The following CLIP4 variants were observed in gnomAD, a reference collection of about 807,000 sequenced individuals.
CLIP4 encodes the protein CAP-Gly domain-containing linker protein 4.
CLIP4 carries 47 observed loss-of-function variants against 73.1 expected under a neutral mutation model. That is an observed-to-expected ratio of 0.64 (90% CI 0.51 to 0.82). CLIP4 has a LOEUF of 0.82. CLIP4 is among the 40% of genes least tolerant of loss of function. The pLI is 0.00. For synonymous variants in CLIP4, 306 were observed against 295.4 expected, an observed-to-expected ratio of 1.04 and a Z score of -0.37; for missense variants, 874 against 852.9, an observed-to-expected ratio of 1.02 and a Z score of -0.31.
intron 2 of CLIP4, among the ~76,000 whole-genome samples, chr2:29,129,029 C>A (rs1261594296): frequency 6.6e-6 from 1 of 152,140 alleles, no homozygotes; most frequent in Non-Finnish European, 1.5e-5. Flanking sequence ...TGTGGACTTA[C>A]ATTGATTTAA....
chr2:29,113,492 C>G (rs1036485956), upstream of CLIP4, among the ~76,000 whole-genome samples: 1 of 152,184 alleles, frequency 6.6e-6, no homozygotes, highest in Non-Finnish European at 1.5e-5. This position sits in a 1 kb window ranked among gnomAD's most constrained non-coding sequence, Gnocchi z 4.0. Context: ...ATGACTCCAA[C>G]GAGCACTTGC....
chr2:29,170,790 G>A lies in CLIP4; in HGVS notation c.1723+3250G>A, dbSNP rs377582897. Among the ~76,000 whole-genome samples, 16 of 151,874 alleles carry A rather than the reference G, an allele frequency of 1.1e-4. No individual in the cohort carries two copies. In the East Asian group the frequency reaches 1.5e-3, roughly 15 times the overall value. Reference sequence around the variant, plus strand: ...ATTTTTGGGTAAGATGTGAGGGTCTGTGTCTAGATTTTTTTTTTTCACATG... The same window carrying A: ...ATTTTTGGGTAAGATGTGAGGGTCTATGTCTAGATTTTTTTTTTTCACATG... On this transcript the variant is annotated intron_variant, in intron 14 of 15. Coordinates refer to ENST00000320081, the MANE Select transcript of CLIP4 (RefSeq NM_024692.6).
rs1668723207 is a variant in CLIP4, at chr2:29,183,168, T to C, written c.*1275T>C. 1 of 152,660 alleles carries C rather than the reference T, an allele frequency of 6.6e-6. No homozygotes were observed. Among genetic ancestry groups the C allele is most frequent in the African/African-American group, 2.4e-5 (1 of 41,468 alleles). 9.5% of individuals were successfully genotyped at this position (152,660 alleles called of 1,614,324 possible). A position where few individuals can be genotyped will look rare whatever the true frequency, so the allele number is the denominator to read the frequency against. On this transcript the variant is annotated 3_prime_UTR_variant, in exon 16 of 16. Transcript: ENST00000320081. ...AGTTTATGTCCTGTCTGTGTAAAGATTCATCTTTTATTGTAAATATTTAGA... is the reference window on the plus strand; with the variant it reads ...AGTTTATGTCCTGTCTGTGTAAAGACTCATCTTTTATTGTAAATATTTAGA...
chr2:29,151,236 C>G (rs560274628), intron 8 of CLIP4, among the ~76,000 whole-genome samples: 1 of 151,952 alleles, frequency 6.6e-6, no homozygotes, highest in Admixed American at 6.6e-5. Flanking sequence ...GTTTGTCATA[C>G]CATTAAATAT....
chr2:29,161,922 C>T (rs1667319417), intron 12 of CLIP4, among the ~76,000 whole-genome samples: 1 of 152,310 alleles, frequency 6.6e-6, no homozygotes, highest in South Asian at 2.1e-4. Context: ...TGTCTCCCAA[C>T]ACAGTCTTGT....
chr2:29,135,754 A>G, intron 6 of CLIP4, 88 bp downstream of exon 6: 1 of 865,882 alleles, frequency 1.2e-6, no homozygotes, highest in Non-Finnish European at 1.8e-6. Flanking sequence ...TGTTATTAAT[A>G]GAAGAACTCT....
upstream of CLIP4, chr2:29,113,916 TG>T (rs1347413794): frequency 6.6e-6 from 1 of 151,966 alleles, no homozygotes; most frequent in African/African-American, 2.4e-5. The surrounding 1 kb of genome is among the most constrained non-coding windows in gnomAD (Gnocchi z 4.0). Flanking sequence ...AAGAGATGGG[TG>T]GGTCAGACAA....
intron 6 of CLIP4, among the ~76,000 whole-genome samples, chr2:29,138,495 T>A (rs1343387704): frequency 6.6e-6 from 1 of 151,988 alleles, no homozygotes; most frequent in African/African-American, 2.4e-5. Flanking sequence ...GGCTCTTTTT[T>A]TTTTTTGGCT....
At chr2:29,107,112 C>T (rs1003518618) in intron 1 of CLIP4, among the ~76,000 whole-genome samples, 2 of 152,244 alleles carry the variant, frequency 1.3e-5, no homozygotes, top group South Asian at 4.2e-4. Context: ...GTGCAAGCTG[C>T]TTTCTACCTA....
chr2:29,145,823 A>G (rs767393633), intron 8 of CLIP4, among the ~76,000 whole-genome samples: 2 of 152,206 alleles, frequency 1.3e-5, no homozygotes, highest in Non-Finnish European at 2.9e-5. Context: ...CTGGGATTAC[A>G]GGCATTTGCC....
chr2:29,145,246 A>G lies in CLIP4; in HGVS notation c.900A>G (p.Arg300=). 6.2e-7 allele frequency: 1 copy of G among 1,613,560 alleles called. No homozygotes were observed. The highest frequency in any genetic ancestry group is 1.3e-5 in the African/African-American group (1 of 75,026). The change falls in exon 8 of 16, where the codon AGA becomes AGG. Residue 300 remains arginine, a synonymous_variant. Coordinates refer to ENST00000320081, the MANE Select transcript of CLIP4 (RefSeq NM_024692.6). Reference sequence around the variant, plus strand: ...ATTTTCTTTAGGTTGGTACATTAAGATTTTGTGGAACAACTGAATTTGCAA... The same window carrying G: ...ATTTTCTTTAGGTTGGTACATTAAGGTTTTGTGGAACAACTGAATTTGCAA... ...VIAGQKVGTL[R]FCGTTEFASG...
chr2:29,117,496 A>C (rs4572552), intron 1 of CLIP4, among the ~76,000 whole-genome samples: 1 of 152,040 alleles, frequency 6.6e-6, no homozygotes, highest in African/African-American at 2.4e-5. Flanking sequence ...GGCGCCTGCT[A>C]CCACACCCTG....
chr2:29,150,606 T>A (rs1666489000), intron 8 of CLIP4, among the ~76,000 whole-genome samples: 1 of 151,558 alleles, frequency 6.6e-6, no homozygotes, highest in African/African-American at 2.4e-5. Context: ...TTTCACATAA[T>A]GTAATCAAAT....
At chr2:29,101,288 C>G (rs1273942934) in intron 1 of CLIP4, among the ~76,000 whole-genome samples, 1 of 142,666 alleles carries the variant, frequency 7.0e-6, no homozygotes, top group Non-Finnish European at 1.5e-5. Context: ...TTTTTTTTTC[C>G]CCCCCCCAAA....
chr2:29,106,000 A>C (rs997906124), intron 1 of CLIP4, among the ~76,000 whole-genome samples: 3 of 152,004 alleles, frequency 2.0e-5, no homozygotes, highest in Admixed American at 2.0e-4. Flanking sequence ...TACACACTGA[A>C]CTTTTCTGCC....
At chr2:29,136,882 C>A (rs553582585) in intron 6 of CLIP4, among the ~76,000 whole-genome samples, 1 of 150,978 alleles carries the variant, frequency 6.6e-6, no homozygotes, top group Non-Finnish European at 1.5e-5. Context: ...CCATGAGATA[C>A]GTTATTGAGC....
chr2:29,170,202 G>A (rs1667914050), intron 14 of CLIP4, among the ~76,000 whole-genome samples: 2 of 152,138 alleles, frequency 1.3e-5, no homozygotes, highest in Non-Finnish European at 1.5e-5. Context: ...GTTGGGAATC[G>A]TGCTTCAGTA....
At chr2:29,138,531 T>C (rs1163002010) in intron 6 of CLIP4, among the ~76,000 whole-genome samples, 1 of 152,078 alleles carries the variant, frequency 6.6e-6, no homozygotes, top group Non-Finnish European at 1.5e-5. Context: ...AACAGTTTTT[T>C]CTAATCCTGT....
chr2:29,107,994 CT>C (rs540853343), intron 1 of CLIP4, among the ~76,000 whole-genome samples: 161 of 145,406 alleles, frequency 1.1e-3, no homozygotes, highest in Admixed American at 2.5e-3. Flanking sequence ...CTTGGAGTTT[CT>C]TTTTTTTTTT....
Sources: allele counts gnomAD v4.1 joint callset (sites outside exome capture counted in the v4.1 genomes callset), GRCh38; gene constraint gnomAD v4.1.1; non-coding constraint Gnocchi (gnomAD v3.1); transcripts MANE v1.5; gene names NCBI Gene and HGNC (gene_info 2026-07-23, HGNC 2026-07-21).